The following PIGO variants were observed in gnomAD, a reference collection of about 807,000 sequenced individuals.
PIGO encodes GPI ethanolamine phosphate transferase 3, catalytic subunit.
PIGO carries 66 observed loss-of-function variants against 86.9 expected under a neutral mutation model. The observed-to-expected ratio is 0.76, with a 90% CI of 0.62 to 0.93. The LOEUF (loss-of-function observed/expected upper bound fraction) is 0.93, where lower values mean the gene tolerates loss of function less well. Ranked by LOEUF, PIGO falls within the 40% of genes least tolerant of loss-of-function variation. The pLI, the probability that PIGO is intolerant of heterozygous loss-of-function variation, is 0.00. For synonymous variants in PIGO, 570 were observed against 556.4 expected (o/e 1.02, Z -0.34); for missense variants, 1,202 against 1,359.1 (o/e 0.88, Z 1.82).
intron 2 of PIGO, 128 bp downstream of exon 2, chr9:35,094,927 T>G (rs1829595145): frequency 5.3e-6 from 7 of 1,323,340 alleles, no homozygotes; most frequent in Non-Finnish European, 7.2e-6. Context: ...CTGGCCTCTT[T>G]CTTCTCCTCT....
intron 6 of PIGO, 127 bp from the exon 7 acceptor site, chr9:35,092,894 G>T: frequency 7.3e-7 from 1 of 1,374,052 alleles, no homozygotes; most frequent in Admixed American, 2.5e-5. Flanking sequence ...CAGAATCGGG[G>T]AAGGGAGGGA....
intron 9 of PIGO, 88 bp downstream of exon 9, chr9:35,089,978 C>G: frequency 6.6e-7 from 1 of 1,514,922 alleles, no homozygotes; most frequent in Non-Finnish European, 8.9e-7. Flanking sequence ...TCAGTCAAGG[C>G]TCTCTCCCAC....
In PIGO at chr9:35,088,785, T is replaced by C; in HGVS notation, c.*307A>G. ...GTCTTGAACTCCTGGGACCAAGCAA[T>C]CCTCCCACCTCTGCCTCCCAAAGTG... On this transcript the variant is annotated 3_prime_UTR_variant, in exon 11 of 11. Transcript: ENST00000378617. 1 of 259,822 alleles carries C rather than the reference T, an allele frequency of 3.8e-6. No individual in the cohort carries two copies. The highest frequency in any genetic ancestry group is 7.5e-6 in the Non-Finnish European group (1 of 132,670). 16.1% of individuals were successfully genotyped at this position (259,822 alleles called of 1,614,324 possible).
chr9:35,089,869 G>GA (rs1417052696), intron 9 of PIGO, 197 bp downstream of exon 9: 20 of 1,421,310 alleles, frequency 1.4e-5, no homozygotes. Context: ...TTGTAGAGGG[G>GA]AAATGATCCA....
rs781338376 is a variant in PIGO at position 35,092,452 on chromosome 9, A to C, written c.1435T>G (p.Phe479Val). The change falls in exon 7 of 11, where the codon TTC (phenylalanine) becomes GTC (valine). Residue 479 changes from phenylalanine (F) to valine (V), a missense_variant. Phe to Val is a conservative substitution (Grantham distance 50, BLOSUM62 -1). Coordinates refer to ENST00000378617, the MANE Select transcript of PIGO (RefSeq NM_032634.4). ...ACAGGTGTCAGGAGTAGAGGGCAGA[A>C]TGGAAAGCCTGGGGATATTGCCCAC... ...SQWAISPGFP[F>V]CPLLLTPVAW... 1 of 1,614,262 alleles carries C rather than the reference A, an allele frequency of 6.2e-7. No homozygotes were observed. Among genetic ancestry groups the C allele is most frequent in the South Asian group, 1.1e-5 (1 of 91,088 alleles).
intron 2 of PIGO, 61 bp downstream of exon 2, chr9:35,094,994 A>C: frequency 6.5e-7 from 1 of 1,532,292 alleles, no homozygotes; most frequent in Non-Finnish European, 8.8e-7. Flanking sequence ...TGACTCCCTG[A>C]CTTCAAATTT....
intron 4 of PIGO, 63 bp from the exon 5 acceptor site, chr9:35,093,643 G>T: frequency 1.3e-6 from 2 of 1,505,890 alleles, no homozygotes; most frequent in Non-Finnish European, 1.8e-6. Flanking sequence ...AAAGAAAAAA[G>T]ATTTTTCTCC....
chr9:35,090,689 GCCACGTTACAGTCACTTCTTAT>G lies in PIGO; in HGVS notation c.2648-39_2648-18del, dbSNP rs757991211. On this transcript the variant is annotated intron_variant, in intron 7 of 10. Transcript: ENST00000378617. ...TAAAAGGACCTGGAAGAAAAGATAT[GCCACGTTACAGTCACTTCTTAT>G]TCCCTAATCCATAGGCTACTGCTCC... 6.2e-7 allele frequency: 1 copy of G among 1,611,618 alleles called. No homozygotes were observed.
In PIGO at chr9:35,091,180, C is replaced by G. The variant is rs796768665; in HGVS notation, c.2647+60G>C. 38 of 1,495,730 alleles carry G rather than the reference C, an allele frequency of 2.5e-5. No individual in the cohort carries two copies. The African/African-American group carries it at 3.2e-4, about 13-fold the overall frequency. The allele number at this position is 1,495,730 out of a possible 1,614,324, so 92.7% of individuals were successfully genotyped here. A position where few individuals can be genotyped will look rare whatever the true frequency, so the allele number is the denominator to read the frequency against. On this transcript the variant is annotated intron_variant, in intron 7 of 10. Transcript: ENST00000378617. ...ATGAGGAGCAACACCTCCTTGAAAA[C>G]AAGAGGGGCCGAACTCACATCACTA...
Position 35,090,455 on chromosome 9 carries a change from G to A in PIGO, c.2854+11C>T, listed in dbSNP as rs2131071492. Reference sequence around the variant, plus strand: ...GTAAACAATGGAAGCAAGTGAAGGAGGAGGGGGTACCTGCAAAGAGGAGGT... The same window carrying A: ...GTAAACAATGGAAGCAAGTGAAGGAAGAGGGGGTACCTGCAAAGAGGAGGT... On this transcript the variant is annotated intron_variant, in intron 8 of 10. Transcript: ENST00000378617. 3 of 1,604,826 alleles carry A rather than the reference G, an allele frequency of 1.9e-6. No homozygotes were observed. Among genetic ancestry groups the A allele is most frequent in the East Asian group, 2.2e-5 (1 of 44,636 alleles).
chr9:35,089,872 A>G, intron 9 of PIGO, 194 bp downstream of exon 9: 1 of 1,421,452 alleles, frequency 7.0e-7, no homozygotes, highest in African/African-American at 1.4e-5. Context: ...TAGAGGGGAA[A>G]TGATCCAGGA....
chr9:35,094,831 TC>T (rs1345146972), intron 2 of PIGO, among the ~76,000 whole-genome samples: 1 of 152,068 alleles, frequency 6.6e-6, no homozygotes, highest in African/African-American at 2.4e-5. Context: ...TTCTCCTCTG[TC>T]TCCCAAACTG....
At position 35,091,787 on chromosome 9, in the gene PIGO, G is replaced by T; in HGVS notation, c.2100C>A (p.Pro700=). 1 of 1,612,844 alleles carries T rather than the reference G, an allele frequency of 6.2e-7. No homozygotes were observed. The highest frequency in any genetic ancestry group is 1.1e-5 in the South Asian group (1 of 91,086). ...RYGNLKSPEP[P]MLFVRWGLPL... is the part of the protein sequence containing the mutation. ...GCAGTCCCCAGCGCACAAAGAGCAT[G>T]GGTGGCTCGGGGCTCTTGAGATTAC... Residue 700 remains proline (P), a synonymous_variant, in exon 7 of 11, where the codon CCC becomes CCA. Coordinates refer to ENST00000378617, the MANE Select transcript of PIGO (RefSeq NM_032634.4).
rs775929587 is a variant in PIGO at position 35,091,634 on chromosome 9, A to G, written c.2253T>C (p.Ala751=). 4.3e-6 allele frequency: 7 copies of G among 1,613,422 alleles called. No homozygotes were observed. The highest frequency in any genetic ancestry group is 5.9e-6 in the Non-Finnish European group (7 of 1,180,038). Residue 751 remains alanine, a synonymous_variant, in exon 7 of 11, where the codon GCT becomes GCC. Transcript: ENST00000378617. ...AGAGCAGCAGCGCGAGCCCTGAAGC[A>G]GCCAGCCCTGCTACAGCCCGAGGCA... ...MVLPRAVAGL[A]ASGLALLLWK...
At position 35,091,622 on chromosome 9, in the gene PIGO, G is replaced by C. The variant is rs746204138; in HGVS notation, c.2265C>G (p.Leu755=). The change falls in exon 7 of 11, where the codon CTC becomes CTG. Residue 755 remains leucine (L), a synonymous_variant. Coordinates refer to ENST00000378617, the MANE Select transcript of PIGO (RefSeq NM_032634.4). ...RAVAGLAASG[L]ALLLWKPVTV... is the part of the protein sequence containing the mutation. ...TCACAGGCTTCCAGAGCAGCAGCGCGAGCCCTGAAGCAGCCAGCCCTGCTA... is the reference window on the plus strand; with the variant it reads ...TCACAGGCTTCCAGAGCAGCAGCGCCAGCCCTGAAGCAGCCAGCCCTGCTA... The C allele has an allele frequency of 1.9e-6, 3 of 1,613,336 alleles. No homozygotes were observed. The highest frequency in any genetic ancestry group is 2.5e-6 in the Non-Finnish European group (3 of 1,180,006).
Position 35,091,921 on chromosome 9 carries a change from G to A in PIGO, c.1966C>T (p.Pro656Ser), listed in dbSNP as rs757869655. Residue 656 changes from proline to serine, a missense_variant, in exon 7 of 11, where the codon CCT (proline) becomes TCT (serine). Pro to Ser is a moderately conservative substitution (Grantham distance 74, BLOSUM62 -1). Coordinates refer to ENST00000378617, the MANE Select transcript of PIGO (RefSeq NM_032634.4). The part of the protein sequence containing the change: ...PVCHSSPWLS[P>S]LASMVGGRAK... The stretch of plus-strand genomic sequence containing the variant: ...CGACCACCCACCATGGATGCCAGAG[G>A]ACTCAGCCAGGGAGAGGAGTGGCAA... 28 of 1,614,110 alleles carry A rather than the reference G, an allele frequency of 1.7e-5. No individual in the cohort carries two copies. Among genetic ancestry groups the A allele is most frequent in the Non-Finnish European group, 2.3e-5 (27 of 1,180,056 alleles).
In PIGO at chr9:35,095,379, T is replaced by C; in HGVS notation, c.187A>G (p.Met63Val). The change falls in exon 2 of 11, where the codon ATG becomes GTG. Residue 63 changes from methionine to valine, a missense_variant. Physicochemically the swap from Met to Val is conservative, Grantham distance 21. Transcript: ENST00000378617. ...ACAACCCGCGAAAATCGGGAAGCCA[T>C]CCAGCAGGCCCCAGGTTTCCCTTGG... The part of the protein sequence containing the change: ...GSQGKPGACW[M>V]ASRFSRVVLV... The C allele has an allele frequency of 6.2e-7, 1 of 1,614,054 alleles. No homozygotes were observed. The highest frequency in any genetic ancestry group is 8.5e-7 in the Non-Finnish European group (1 of 1,180,012).
rs778663598 is a variant in PIGO at position 35,092,196 on chromosome 9, C to T, written c.1691G>A (p.Ser564Asn). 2 of 1,614,112 alleles carry T rather than the reference C, an allele frequency of 1.2e-6. No homozygotes were observed. Among genetic ancestry groups the T allele is most frequent in the Non-Finnish European group, 1.7e-6 (2 of 1,180,060 alleles). Residue 564 changes from serine (S) to asparagine (N), a missense_variant, in exon 7 of 11, where the codon AGT (serine) becomes AAT (asparagine). Coordinates refer to ENST00000378617, the MANE Select transcript of PIGO (RefSeq NM_032634.4). Reference protein sequence around the residue: ...LFRLAVFFSDSFVVAEARATP... With the variant: ...LFRLAVFFSDNFVVAEARATP... ...GGCCCTGGCCTCAGCTACAACAAAA[C>T]TATCAGAGAAGAACACAGCCAAGCG...
rs1829332811 is a variant in PIGO, at chr9:35,089,850, A to C, written c.3069+216T>G. Reference sequence around the variant, plus strand: ...TCCTCAAATGCAACTAGCGGGGTCCAGATCTAGGTTGTAGAGGGGAAATGA... The same window carrying C: ...TCCTCAAATGCAACTAGCGGGGTCCCGATCTAGGTTGTAGAGGGGAAATGA... On this transcript the variant is annotated intron_variant, in intron 9 of 10. Coordinates refer to ENST00000378617, the MANE Select transcript of PIGO (RefSeq NM_032634.4). The C allele has an allele frequency of 3.5e-6, 5 of 1,413,404 alleles. No homozygotes were observed. The Admixed American group carries it at 1.5e-4, about 42-fold the overall frequency. The allele number at this position is 1,413,404 out of a possible 1,614,324, so 87.6% of individuals were successfully genotyped here. A position where few individuals can be genotyped will look rare whatever the true frequency, so the allele number is the denominator to read the frequency against.
Sources: gnomAD v4.1 joint callset for allele counts (sites outside exome capture counted in the v4.1 genomes callset) on GRCh38, gnomAD v4.1.1 for gene constraint, MANE v1.5 for transcripts, NCBI Gene and HGNC (gene_info 2026-07-23, HGNC 2026-07-21) for gene names.